The following USP35 variants were observed in gnomAD, a reference collection of about 807,000 sequenced individuals.
USP35 encodes ubiquitin carboxyl-terminal hydrolase 35.
USP35 carries 69 observed loss-of-function variants against 83.8 expected under a neutral mutation model. The observed-to-expected ratio is 0.82, with a 90% confidence interval of 0.68 to 1.01. The LOEUF is 1.01. Ranked by LOEUF, USP35 falls within the 50% of genes least tolerant of loss-of-function variation. The pLI is 0.00. For synonymous variants in USP35, 714 were observed against 589.5 expected (o/e 1.21, Z -3.06); for missense variants, 1,503 against 1,362.5 (o/e 1.10, Z -1.62).
the USP35 span, among the ~76,000 whole-genome samples, chr11:78,234,495 T>C: frequency 4.0e-5 from 6 of 151,700 alleles, no homozygotes; most frequent in Admixed American, 6.6e-5. Flanking sequence ...CCTATATGAA[T>C]GTCAAGCTGT....
At chr11:78,205,199 C>T (rs1307601168) in intron 6 of USP35, among the ~76,000 whole-genome samples, 1 of 152,242 alleles carries the variant, frequency 6.6e-6, no homozygotes, top group Non-Finnish European at 1.5e-5. Context: ...CCTCAGACCC[C>T]AGGGATTCAC....
chr11:78,213,181 T>TGAG (rs1863866490), intron 10 of USP35, among the ~76,000 whole-genome samples: 1 of 152,170 alleles, frequency 6.6e-6, no homozygotes, highest in African/African-American at 2.4e-5. Flanking sequence ...GGCCTGAGGC[T>TGAG]GAGTCAGGCT....
the USP35 span, among the ~76,000 whole-genome samples, chr11:78,228,283 G>C: frequency 2.0e-5 from 3 of 152,336 alleles, no homozygotes; most frequent in African/African-American, 7.2e-5. Context: ...AGGGATTTAG[G>C]TCTGCTTCTT....
downstream of USP35, chr11:78,215,573 AG>A (rs1864082394): frequency 6.6e-6 from 1 of 152,496 alleles, no homozygotes; most frequent in South Asian, 2.1e-4. Context: ...GGCTTCCACT[AG>A]CCCATTTTCT....
At chr11:78,226,885 C>T in the USP35 span, 9 of 1,613,964 alleles carry the variant, frequency 5.6e-6, no homozygotes, top group South Asian at 1.1e-5. Context: ...TAGGTACTGT[C>T]TCTGAATTCT....
At chr11:78,236,214 T>A in the USP35 span, among the ~76,000 whole-genome samples, 1 of 152,236 alleles carries the variant, frequency 6.6e-6, no homozygotes, top group Non-Finnish European at 1.5e-5. Context: ...ATTCGATATA[T>A]AATTAAAATT....
Position 78,210,603 on chromosome 11 carries a change from C to T in USP35, c.2748C>T (p.Asp916=). 6.2e-7 allele frequency: 1 copy of T among 1,614,218 alleles called. No individual in the cohort carries two copies. Among genetic ancestry groups the T allele is most frequent in the South Asian group, 1.1e-5 (1 of 91,078 alleles). ...ACGTCACCTCCTTCTTCCCTAAGGA[C>T]ACAGCCTATGTGCTGTTTTACCGGC... ...VSNVTSFFPK[D]TAYVLFYRQR... Residue 916 remains aspartate, a synonymous_variant, in exon 10 of 11, where the codon GAC becomes GAT. Coordinates refer to ENST00000529308, the MANE Select transcript of USP35 (RefSeq NM_020798.4).
At chr11:78,225,007 A>G in the USP35 span, 1 of 728,542 alleles carries the variant, frequency 1.4e-6, no homozygotes, top group Non-Finnish European at 2.4e-6. Context: ...CCTAAGATGG[A>G]GACGCCATCA....
the USP35 span, chr11:78,223,333 G>T: frequency 1.6e-6 from 2 of 1,217,282 alleles, no homozygotes; most frequent in South Asian, 1.8e-5. Context: ...TCAAGTCCAG[G>T]ATCCACATGA....
chr11:78,207,274 G>A (rs377258177), intron 7 of USP35: 1 of 404,326 alleles, frequency 2.5e-6, no homozygotes. Context: ...TCTCAGAGCT[G>A]GAAGGGGCTA....
At position 78,199,643 on chromosome 11, in the gene USP35, G is replaced by C; in HGVS notation, c.855G>C (p.Trp285Cys). Reference protein sequence around the residue: ...SWPLGKNIDKWIIALLKGLAA... With the variant: ...SWPLGKNIDKCIIALLKGLAA... ...CCCTGGGGAAGAATATTGACAAGTG[G>C]ATCATTGCACTGCTGAAGGGCCTGG... The change falls in exon 4 of 11, where the codon TGG becomes TGC. Residue 285 changes from tryptophan (W) to cysteine (C), a missense_variant. Trp to Cys is a radical substitution (Grantham distance 215, BLOSUM62 -2). Transcript: ENST00000529308. 1 of 1,614,170 alleles carries C rather than the reference G, an allele frequency of 6.2e-7. No individual in the cohort carries two copies. The highest frequency in any genetic ancestry group is 2.2e-5 in the East Asian group (1 of 44,886).
rs1267196927 is a variant in USP35, at chr11:78,210,218, T to G, written c.2363T>G (p.Leu788Arg). The change falls in exon 10 of 11, where the codon CTG becomes CGG. Residue 788 changes from leucine to arginine, a missense_variant. By Grantham distance (102) the Leu-to-Arg change is moderately radical (BLOSUM62 -2). Coordinates refer to ENST00000529308, the MANE Select transcript of USP35 (RefSeq NM_020798.4). ...NRYYCESCASLQDAEKVVELS... is the reference protein window; with the variant it reads ...NRYYCESCASRQDAEKVVELS... The stretch of plus-strand genomic sequence containing the variant: ...TACTACTGCGAGTCGTGTGCCTCCC[T>G]GCAGGATGCCGAGAAGGTGGTGGAG... 6.2e-7 allele frequency: 1 copy of G among 1,614,034 alleles called. No individual in the cohort carries two copies. Among genetic ancestry groups the G allele is most frequent in the African/African-American group, 1.3e-5 (1 of 75,010 alleles).
At chr11:78,191,842 T>C (rs1210300318) in intron 1 of USP35, among the ~76,000 whole-genome samples, 2 of 132,822 alleles carry the variant, frequency 1.5e-5, no homozygotes, top group African/African-American at 2.9e-5. Flanking sequence ...GGCCCTCATC[T>C]TTTTTTTTTT....
In USP35 at chr11:78,209,630, C is replaced by A. The variant is rs745625285; in HGVS notation, c.1775C>A (p.Ala592Asp). ...CCLNVSSREE[A>D]FTDLSLAFPP... ...CTCAACGTCTCCTCCCGGGAGGAGG[C>A]CTTCACGGACCTCTCTCTCGCCTTC... The change falls in exon 10 of 11, where the codon GCC (alanine) becomes GAC (aspartate). Residue 592 changes from alanine (A) to aspartate (D), a missense_variant. Transcript: ENST00000529308. The A allele has an allele frequency of 1.9e-6, 3 of 1,614,116 alleles. No individual in the cohort carries two copies. Among genetic ancestry groups the A allele is most frequent in the Non-Finnish European group, 1.7e-6 (2 of 1,179,998 alleles).
chr11:78,208,826 C>T lies in USP35; in HGVS notation c.1486-31C>T, dbSNP rs1863618032. ...CTGGCTGGTGAGTGGCCTCCTGCTC[C>T]TGACCATGCCTTTCGCCTGCCTTGT... On this transcript the variant is annotated intron_variant, in intron 8 of 10. Transcript: ENST00000529308. The T allele has an allele frequency of 3.7e-6, 6 of 1,612,868 alleles. No individual in the cohort carries two copies. The East Asian group carries it at 1.3e-4, about 36-fold the overall frequency.
At chr11:78,237,118 G>T in the USP35 span, among the ~76,000 whole-genome samples, 1 of 152,136 alleles carries the variant, frequency 6.6e-6, no homozygotes, top group African/African-American at 2.4e-5. Context: ...GGGTAAGATT[G>T]GTGTTATCTT....
At chr11:78,225,517 C>G in the USP35 span, among the ~76,000 whole-genome samples, 1 of 152,218 alleles carries the variant, frequency 6.6e-6, no homozygotes, top group Non-Finnish European at 1.5e-5. Flanking sequence ...TCTCTGAACA[C>G]CACAGTAACA....
At position 78,212,290 on chromosome 11, in the gene USP35, T is replaced by G. The variant is rs553741820; in HGVS notation, c.2890-1356T>G. On this transcript the variant is annotated intron_variant, in intron 10 of 10. Coordinates refer to ENST00000529308, the MANE Select transcript of USP35 (RefSeq NM_020798.4). ...GAGTGAGTTCTCTATTCTGTTCCAT[T>G]GGTCTATGTGTCTGTTTTTATACCA... Among the ~76,000 whole-genome samples, 37 of 152,294 alleles carry G rather than the reference T, an allele frequency of 2.4e-4. No homozygotes were observed. The South Asian group carries it at 7.7e-3, about 32-fold the overall frequency.
chr11:78,229,151 G>A, the USP35 span, among the ~76,000 whole-genome samples: 1 of 152,146 alleles, frequency 6.6e-6, no homozygotes, highest in Non-Finnish European at 1.5e-5. Context: ...TGGGGGTGGT[G>A]GTAGACAATG....
Sources: gnomAD v4.1 joint callset for allele counts (sites outside exome capture counted in the v4.1 genomes callset) on GRCh38, gnomAD v4.1.1 for gene constraint, MANE v1.5 for transcripts, NCBI Gene and HGNC (gene_info 2026-07-23, HGNC 2026-07-21) for gene names.